Variants in ADD1 observed in about 807,000 individuals in gnomAD.
ADD1 encodes the protein adducin 1.
In ADD1, 24 loss-of-function variants were observed where a neutral mutation model predicts 80.5. That is an observed-to-expected ratio of 0.30 (90% confidence interval 0.22 to 0.42). ADD1 has a LOEUF of 0.42. ADD1 is among the 10% of genes least tolerant of loss of function. ADD1 has a pLI of 1.00. For missense variants in ADD1, 948 were observed against 1,019.0 expected, an observed-to-expected ratio of 0.93 and a Z score of 0.95; for synonymous variants, 373 against 393.8, an observed-to-expected ratio of 0.95 and a Z score of 0.63.
Position 2,904,912 on chromosome 4 carries a change from T to G in ADD1, c.1310T>G (p.Phe437Cys). The change falls in exon 10 of 16, where the codon TTT (phenylalanine) becomes TGT (cysteine). Residue 437 changes from phenylalanine (F) to cysteine (C), a missense_variant. Physicochemically the swap from Phe to Cys is radical, Grantham distance 205 (BLOSUM62 -2). Coordinates refer to ENST00000683351, the MANE Select transcript of ADD1 (RefSeq NM_001354761.2). ...SGTCSPLRHSFQKQQREKTRW... is the reference protein window; with the variant it reads ...SGTCSPLRHSCQKQQREKTRW... ...ACTTGCTCCCCACTCAGACACAGTTTTCAGAAGCAGCAGCGGGAGAAGACA... is the reference window on the plus strand; with the variant it reads ...ACTTGCTCCCCACTCAGACACAGTTGTCAGAAGCAGCAGCGGGAGAAGACA... 2 of 1,614,140 alleles carry G rather than the reference T, an allele frequency of 1.2e-6. No individual in the cohort carries two copies. The highest frequency in any genetic ancestry group is 2.7e-5 in the African/African-American group (2 of 75,036).
chr4:2,858,301 A>G (rs574522611), intron 1 of ADD1, among the ~76,000 whole-genome samples: 14 of 152,350 alleles, frequency 9.2e-5, no homozygotes, highest in African/African-American at 2.4e-4. Context: ...ACTGTTTACT[A>G]TGTACCTTGT....
At chr4:2,893,094 TTA>T (rs1734582905) in intron 4 of ADD1, among the ~76,000 whole-genome samples, 1 of 151,492 alleles carries the variant, frequency 6.6e-6, no homozygotes, top group African/African-American at 2.4e-5. Context: ...GTTGTCTATT[TTA>T]TTTTATTTTT....
chr4:2,899,873 C>T (rs7678161), intron 9 of ADD1: 91,867 of 301,386 alleles, frequency 0.3, 15,577 homozygotes, highest in African/African-American at 0.43. Flanking sequence ...CTGTCCACAG[C>T]GTGGGAGCCC....
intron 1 of ADD1, among the ~76,000 whole-genome samples, chr4:2,872,513 T>A (rs147542613): frequency 5.4e-4 from 82 of 152,336 alleles, no homozygotes; most frequent in African/African-American, 1.9e-3. Context: ...TGCTAAAGAG[T>A]CTCTGTAGTT....
At chr4:2,872,006 A>G (rs1271693249) in intron 1 of ADD1, among the ~76,000 whole-genome samples, 2 of 152,052 alleles carry the variant, frequency 1.3e-5, no homozygotes, top group East Asian at 1.9e-4. Context: ...AAAACTCTCT[A>G]TGGCCAAGTT....
At chr4:2,910,211 C>G (rs910835828) in intron 13 of ADD1, among the ~76,000 whole-genome samples, 1 of 151,096 alleles carries the variant, frequency 6.6e-6, no homozygotes, top group African/African-American at 2.4e-5. Context: ...AGAGTCTTAG[C>G]TGAGAGGTAT....
rs2857867 is a variant in ADD1, at chr4:2,913,931, C to A, written c.1792-953C>A. 2.6e-5 allele frequency among the ~76,000 whole-genome samples: 4 copies of A among 152,004 alleles called. No individual in the cohort carries two copies. In the South Asian group the frequency reaches 6.2e-4, roughly 24 times the overall value. On this transcript the variant is annotated intron_variant, in intron 13 of 15. Transcript: ENST00000683351. Reference sequence around the variant, plus strand: ...CAGGGTAGCCGGGCGTGGTGGCGGGCGCCTGTAGTCCCAGCTACTCGGGAG... The same window carrying A: ...CAGGGTAGCCGGGCGTGGTGGCGGGAGCCTGTAGTCCCAGCTACTCGGGAG...
In ADD1 at chr4:2,894,602, A is replaced by T. The variant is rs747121739; in HGVS notation, c.612A>T (p.Gly204=). The T allele has an allele frequency of 3.7e-6, 6 of 1,607,354 alleles. No individual in the cohort carries two copies. The highest frequency in any genetic ancestry group is 5.1e-6 in the Non-Finnish European group (6 of 1,177,344). ...TTCAGGTTAAGATCAATCTACAAGG[A>T]GATATAGTAGATCGTGGAAGCACTA... is the stretch of plus-strand genomic sequence containing the variant. The part of the protein sequence containing the change: ...ASSLVKINLQ[G]DIVDRGSTNL... The change falls in exon 6 of 16, where the codon GGA becomes GGT. Residue 204 remains glycine (G), a synonymous_variant. Coordinates refer to ENST00000683351, the MANE Select transcript of ADD1 (RefSeq NM_001354761.2).
At position 2,899,458 on chromosome 4, in the gene ADD1, A is replaced by G. The variant is rs1315363755; in HGVS notation, c.1161+23A>G. 4 of 1,613,870 alleles carry G rather than the reference A, an allele frequency of 2.5e-6. No homozygotes were observed. The East Asian group carries it at 6.7e-5, about 27-fold the overall frequency. The stretch of plus-strand genomic sequence containing the variant: ...CTGGTAAGAATGGTGCCACCACTTG[A>G]TGATAAACCTTTTGTTCTAAAAGCA... On this transcript the variant is annotated intron_variant, in intron 9 of 15. Coordinates refer to ENST00000683351, the MANE Select transcript of ADD1 (RefSeq NM_001354761.2).
rs567212771 is a variant in ADD1 at position 2,887,427 on chromosome 4, A to T, written c.510+2761A>T. On this transcript the variant is annotated intron_variant, in intron 4 of 15. Transcript: ENST00000683351. ...GTCTGAAATAGATCTTTAAGATTGC[A>T]TTGGATTTGGAGAAGTGTTTGTGGG... The T allele has an allele frequency of 2.5e-4, 29 of 114,514 alleles. No individual in the cohort carries two copies. The Admixed American group carries it at 3.3e-3, about 13-fold the overall frequency. The allele number at this position is 114,514 out of a possible 1,614,324, so 7.1% of individuals were successfully genotyped here. A position where few individuals can be genotyped will look rare whatever the true frequency, so the allele number is the denominator to read the frequency against.
chr4:2,908,556 T>C lies in ADD1; in HGVS notation c.1650T>C (p.Pro550=). ...QNLQDIKTAG[P]QSQVLCGVVM... Reference sequence around the variant, plus strand: ...TACAGGACATTAAGACGGCTGGCCCTCAGTCCCAGGTTTTGTGTGGTGTAG... The same window carrying C: ...TACAGGACATTAAGACGGCTGGCCCCCAGTCCCAGGTTTTGTGTGGTGTAG... The change falls in exon 12 of 16, where the codon CCT becomes CCC. Residue 550 remains proline, a synonymous_variant. Coordinates refer to ENST00000683351, the MANE Select transcript of ADD1 (RefSeq NM_001354761.2). The C allele has an allele frequency of 6.2e-7, 1 of 1,614,204 alleles. No homozygotes were observed. Among genetic ancestry groups the C allele is most frequent in the Non-Finnish European group, 8.5e-7 (1 of 1,180,032 alleles).
Position 2,894,640 on chromosome 4 carries a change from A to G in ADD1, c.650A>G (p.Asn217Ser), listed in dbSNP as rs759108858. Residue 217 changes from asparagine (N) to serine (S), a missense_variant, in exon 6 of 16, where the codon AAT becomes AGT. Transcript: ENST00000683351. ...CGTGGAAGCACTAATCTGGGAGTGA[A>G]TCAGGCCGGCTTCACCTTACACTCT... The part of the protein sequence containing the change: ...VDRGSTNLGV[N>S]QAGFTLHSAI... 13 of 1,610,736 alleles carry G rather than the reference A, an allele frequency of 8.1e-6. No individual in the cohort carries two copies. Among genetic ancestry groups the G allele is most frequent in the African/African-American group, 1.3e-5 (1 of 74,598 alleles).
intron 15 of ADD1, among the ~76,000 whole-genome samples, chr4:2,927,277 A>G (rs1711929371): frequency 6.6e-6 from 1 of 152,080 alleles, no homozygotes; most frequent in Non-Finnish European, 1.5e-5. Flanking sequence ...CCCGGTTCTC[A>G]TGAAGCGTGG....
chr4:2,853,225 C>T (rs1727583110), intron 1 of ADD1: 1 of 151,902 alleles, frequency 6.6e-6, no homozygotes, highest in Non-Finnish European at 1.5e-5. Flanking sequence ...TCTCCCACCT[C>T]AGCCTCCCCA....
At chr4:2,854,491 TC>T (rs1458890470) in intron 1 of ADD1, among the ~76,000 whole-genome samples, 4 of 152,238 alleles carry the variant, frequency 2.6e-5, no homozygotes, top group African/African-American at 9.6e-5. Flanking sequence ...ATTATGGTAA[TC>T]TCATTATGGT....
At chr4:2,880,463 CTTTTTTTTTT>C (rs1167878841) in intron 2 of ADD1, among the ~76,000 whole-genome samples, 701 of 63,164 alleles carry the variant, frequency 0.011, 4 homozygotes, top group African/African-American at 0.041. Flanking sequence ...TTCTTTCTTT[CTTTTTTTTTT>C]TTTTTTTTTT....
chr4:2,858,355 G>A (rs1728369585), intron 1 of ADD1, among the ~76,000 whole-genome samples: 1 of 152,150 alleles, frequency 6.6e-6, no homozygotes. Flanking sequence ...CTTAAACCAA[G>A]GAAGTAGATA....
chr4:2,876,260 T>C, intron 2 of ADD1, 150 bp downstream of exon 2: 2 of 606,094 alleles, frequency 3.3e-6, no homozygotes, highest in South Asian at 3.7e-5. Context: ...GTTGAAAGAA[T>C]TCAGTTCAGT....
intron 3 of ADD1, among the ~76,000 whole-genome samples, chr4:2,883,668 T>C (rs1015834369): frequency 6.6e-6 from 1 of 151,928 alleles, no homozygotes; most frequent in Non-Finnish European, 1.5e-5. Context: ...CTGGCTAATT[T>C]TTCTCTTTTC....
Sources: allele counts gnomAD v4.1 joint callset (sites outside exome capture counted in the v4.1 genomes callset), GRCh38; gene constraint gnomAD v4.1.1; transcripts MANE v1.5; gene names NCBI Gene and HGNC (gene_info 2026-07-23, HGNC 2026-07-21).